TBC1D31: variants seen among roughly 807,000 people sequenced by gnomAD.
TBC1D31 encodes WD repeat domain 67.
In TBC1D31, 99 loss-of-function variants were observed where a neutral mutation model predicts 132.9. The observed-to-expected ratio is 0.74, with a 90% CI of 0.63 to 0.88. TBC1D31 has a LOEUF of 0.88. Ranked by LOEUF, TBC1D31 falls within the 40% of genes least tolerant of loss-of-function variation. The pLI is 0.00. For synonymous variants in TBC1D31, 385 were observed against 419.4 expected (o/e 0.92, Z 1.00); for missense variants, 1,134 against 1,256.6 (o/e 0.90, Z 1.48).
At chr8:123,140,397 G>A (rs751967294) in intron 17 of TBC1D31, among the ~76,000 whole-genome samples, 128 of 152,098 alleles carry the variant, frequency 8.4e-4, no homozygotes, top group Non-Finnish European at 1.1e-3. Context: ...CTTGGGAGTG[G>A]GGTGGGAACA....
chr8:123,078,832 A>G (rs1814820381), intron 2 of TBC1D31, among the ~76,000 whole-genome samples: 1 of 142,672 alleles, frequency 7.0e-6, no homozygotes, highest in South Asian at 2.2e-4. Flanking sequence ...GATATTGAAT[A>G]GTCACAAAGT....
rs200863397 is a variant in TBC1D31, at chr8:123,128,747, GC to G, written c.2117+238del. 8.5e-3 allele frequency among the ~76,000 whole-genome samples: 1,296 copies of G among 152,010 alleles called. 19 individuals carry two copies. The highest frequency in any genetic ancestry group is 0.029 in the African/African-American group (1,198 of 41,438). On this transcript the variant is annotated intron_variant, in intron 14 of 21. Transcript: ENST00000287380. ...AAAAATTAGCCAGGCATGGTGGCAC[GC>G]CCCTGTAGTCCCAGCTACTCAGGAA...
chr8:123,141,523 A>G (rs17315999), intron 18 of TBC1D31, among the ~76,000 whole-genome samples: 12,300 of 152,314 alleles, frequency 0.081, 533 homozygotes, highest in Non-Finnish European at 0.092. Flanking sequence ...GAATTGAAAT[A>G]GAACTTGAGA....
At chr8:123,084,679 A>T (rs1190774341) in intron 4 of TBC1D31, among the ~76,000 whole-genome samples, 1 of 152,196 alleles carries the variant, frequency 6.6e-6, no homozygotes, top group African/African-American at 2.4e-5. Flanking sequence ...ACACGTGTAC[A>T]TTCAGTATCT....
chr8:123,109,399 A>G lies in TBC1D31; in HGVS notation c.1289+3A>G, dbSNP rs1303944095. ...GGTGAATATCCAACAAAATACAGGTACAATTTAAATTCTGTATGTTACATC... is the reference window on the plus strand; with the variant it reads ...GGTGAATATCCAACAAAATACAGGTGCAATTTAAATTCTGTATGTTACATC... On this transcript the variant is annotated splice_donor_region_variant and intron_variant, in intron 9 of 21. Transcript: ENST00000287380. 4 of 1,608,922 alleles carry G rather than the reference A, an allele frequency of 2.5e-6. No individual in the cohort carries two copies. Among genetic ancestry groups the G allele is most frequent in the Admixed American group, 1.7e-5 (1 of 59,456 alleles).
chr8:123,131,509 T>A (rs1417107343), intron 16 of TBC1D31, among the ~76,000 whole-genome samples: 1 of 152,230 alleles, frequency 6.6e-6, no homozygotes, highest in Non-Finnish European at 1.5e-5. Context: ...ACCTGCTTTT[T>A]AAAATTTCAT....
At chr8:123,102,391 T>A in intron 7 of TBC1D31, 1 of 369,576 alleles carries the variant, frequency 2.7e-6, no homozygotes, top group Admixed American at 3.9e-5. Context: ...TTGTGCCTCC[T>A]CCTTTTTGTT....
intron 13 of TBC1D31, chr8:123,128,005 CAG>C (rs1397212353): frequency 8.8e-6 from 2 of 227,966 alleles, no homozygotes; most frequent in Non-Finnish European, 1.7e-5. Context: ...AAAATCCAAG[CAG>C]AGTTTGTTCC....
the TBC1D31 span, among the ~76,000 whole-genome samples, chr8:123,162,877 G>A: frequency 6.6e-6 from 1 of 151,928 alleles, no homozygotes; most frequent in Non-Finnish European, 1.5e-5. Context: ...CTGTTGCCCA[G>A]GTTGGAGTGC....
intron 10 of TBC1D31, among the ~76,000 whole-genome samples, chr8:123,119,277 G>C (rs142841212): frequency 6.6e-6 from 1 of 152,192 alleles, no homozygotes; most frequent in South Asian, 2.1e-4. Flanking sequence ...TCTTGACTCA[G>C]CAATTCCACT....
At chr8:123,141,427 G>A (rs1279118769) in intron 18 of TBC1D31, among the ~76,000 whole-genome samples, 6 of 99,602 alleles carry the variant, frequency 6.0e-5, no homozygotes, top group Non-Finnish European at 1.3e-4. Flanking sequence ...TATTTTTCAC[G>A]CCAAATTTGA....
chr8:123,139,141 CAT>C (rs1821388554), intron 17 of TBC1D31, among the ~76,000 whole-genome samples: 1 of 146,290 alleles, frequency 6.8e-6, no homozygotes. Flanking sequence ...TTCAAACAGT[CAT>C]GTGATTTTTT....
At chr8:123,084,436 G>A in intron 4 of TBC1D31, 96 bp downstream of exon 4, 1 of 1,233,778 alleles carries the variant, frequency 8.1e-7, no homozygotes, top group Non-Finnish European at 1.1e-6. Flanking sequence ...GATTCACTTT[G>A]TCCTTGTAGC....
At chr8:123,164,478 T>A in the TBC1D31 span, among the ~76,000 whole-genome samples, 3 of 152,168 alleles carry the variant, frequency 2.0e-5, no homozygotes, top group Non-Finnish European at 2.9e-5. Flanking sequence ...TCCCAGCACT[T>A]CAGGAGGCTG....
At chr8:123,093,254 G>A (rs575205528) in intron 4 of TBC1D31, among the ~76,000 whole-genome samples, 21 of 152,072 alleles carry the variant, frequency 1.4e-4, no homozygotes, top group African/African-American at 4.3e-4. Flanking sequence ...TGACCAATGT[G>A]CTTTATTTTA....
intron 15 of TBC1D31, 79 bp from the exon 16 acceptor site, chr8:123,130,119 A>G: frequency 7.1e-7 from 1 of 1,412,834 alleles, no homozygotes; most frequent in Admixed American, 2.1e-5. Context: ...AATGATCAGC[A>G]TGGCAGACCT....
chr8:123,073,583 G>A (rs1002850825), intron 1 of TBC1D31, among the ~76,000 whole-genome samples: 1 of 152,158 alleles, frequency 6.6e-6, no homozygotes, highest in African/African-American at 2.4e-5. Flanking sequence ...GGTGCCATTT[G>A]GATTTCGATT....
Position 123,077,093 on chromosome 8 carries a change from G to A in TBC1D31, c.78-18G>A, listed in dbSNP as rs1252776216. On this transcript the variant is annotated intron_variant, in intron 1 of 21. Transcript: ENST00000287380. Reference sequence around the variant, plus strand: ...ATACGTGACATAGATTCAATGTTTGGGTTTTTTTCTTTGACAGAATTATAG... The same window carrying A: ...ATACGTGACATAGATTCAATGTTTGAGTTTTTTTCTTTGACAGAATTATAG... 2.3e-5 allele frequency: 36 copies of A among 1,560,792 alleles called. No individual in the cohort carries two copies. Among genetic ancestry groups the A allele is most frequent in the Non-Finnish European group, 3.0e-5 (35 of 1,155,408 alleles).
At position 123,107,858 on chromosome 8, in the gene TBC1D31, T is replaced by C. The variant is rs181347212; in HGVS notation, c.1210-1459T>C. Among the ~76,000 whole-genome samples, 336 of 152,302 alleles carry C rather than the reference T, an allele frequency of 2.2e-3. 2 individuals carry two copies. Among genetic ancestry groups the C allele is most frequent in the Non-Finnish European group, 1.8e-3 (121 of 68,024 alleles). ...CTCAACTAATCTTTGCATTAGCACG[T>C]GGAAAGAAAAGAAGGAACTTTATCA... On this transcript the variant is annotated intron_variant, in intron 8 of 21. Transcript: ENST00000287380.
Sources: gnomAD v4.1 joint callset for allele counts (sites outside exome capture counted in the v4.1 genomes callset) on GRCh38, gnomAD v4.1.1 for gene constraint, MANE v1.5 for transcripts, NCBI Gene and HGNC (gene_info 2026-07-23, HGNC 2026-07-21) for gene names.